The following TAFA1 variants were observed in gnomAD, a reference collection of about 807,000 sequenced individuals.
The protein encoded by TAFA1 is chemokine-like protein TAFA-1.
TAFA1 carries 4 observed loss-of-function variants against 18.5 expected under a neutral mutation model. That is an observed-to-expected ratio of 0.22 (90% CI 0.11 to 0.49). The LOEUF (loss-of-function observed/expected upper bound fraction) is 0.49, where lower values mean the gene tolerates loss of function less well. Among genes scored for constraint, TAFA1 ranks in the 20% least tolerant of loss-of-function variants. TAFA1 has a pLI of 0.98. For synonymous variants in TAFA1, 56 were observed against 55.2 expected, an observed-to-expected ratio of 1.01 and a Z score of -0.06; for missense variants, 147 against 169.0, an observed-to-expected ratio of 0.87 and a Z score of 0.72.
chr3:68,065,729 T>C (rs2064666595), intron 2 of TAFA1, among the ~76,000 whole-genome samples: 2 of 28,522 alleles, frequency 7.0e-5, no homozygotes, highest in Non-Finnish European at 6.7e-5. Context: ...TTTGTGTGTA[T>C]GTGTGTGTGT....
chr3:68,496,982 G>A (rs1398106943), intron 3 of TAFA1, among the ~76,000 whole-genome samples: 2 of 152,098 alleles, frequency 1.3e-5, no homozygotes, highest in African/African-American at 4.8e-5. Flanking sequence ...TTTTAGTAGA[G>A]AGAGAGAGAC....
In TAFA1 at chr3:68,544,514, T is replaced by G. The variant is rs2073425669; in HGVS notation, c.*11T>G. The G allele has an allele frequency of 6.2e-7, 1 of 1,612,306 alleles. No individual in the cohort carries two copies. Among genetic ancestry groups the G allele is most frequent in the African/African-American group, 1.3e-5 (1 of 74,870 alleles). The stretch of plus-strand genomic sequence containing the variant: ...CACCCAAGAACCTAACAGAAGCATT[T>G]GTGGTAGTAAAGGAAAACCAACCCT... On this transcript the variant is annotated 3_prime_UTR_variant, in exon 5 of 5. Coordinates refer to ENST00000478136, the MANE Select transcript of TAFA1 (RefSeq NM_213609.4).
chr3:68,036,794 T>C (rs927072284), intron 2 of TAFA1, among the ~76,000 whole-genome samples: 1 of 152,226 alleles, frequency 6.6e-6, no homozygotes, highest in Admixed American at 6.5e-5. Flanking sequence ...TGAAGGCTAC[T>C]CTGTGGATCT....
upstream of TAFA1, among the ~76,000 whole-genome samples, chr3:68,001,694 G>C (rs1371665246): frequency 1.3e-5 from 2 of 151,828 alleles, no homozygotes; most frequent in Non-Finnish European, 2.9e-5. Flanking sequence ...TCATGGCCTA[G>C]TGCAGTGCAT....
chr3:68,043,962 C>A (rs2106685318), intron 2 of TAFA1, among the ~76,000 whole-genome samples: 1 of 152,122 alleles, frequency 6.6e-6, no homozygotes, highest in South Asian at 2.1e-4. Context: ...TGTTTTCTGA[C>A]CTAGAACCCC....
chr3:68,498,472 A>G (rs2072591762), intron 3 of TAFA1, among the ~76,000 whole-genome samples: 1 of 152,142 alleles, frequency 6.6e-6, no homozygotes, highest in Non-Finnish European at 1.5e-5. Flanking sequence ...CCAAATTACA[A>G]AAGCATATTG....
chr3:68,245,370 G>A (rs1416358988), intron 2 of TAFA1, among the ~76,000 whole-genome samples: 1 of 152,108 alleles, frequency 6.6e-6, no homozygotes, highest in Non-Finnish European at 1.5e-5. Flanking sequence ...TTTATTTATT[G>A]AGTCTCTAAT....
Position 68,069,890 on chromosome 3 carries a change from A to G in TAFA1, c.118+63146A>G, listed in dbSNP as rs569380779. 2.5e-3 allele frequency among the ~76,000 whole-genome samples: 378 copies of G among 152,336 alleles called. 1 individual carries two copies. Among genetic ancestry groups the G allele is most frequent in the African/African-American group, 8.5e-3 (355 of 41,590 alleles). On this transcript the variant is annotated intron_variant, in intron 2 of 4. Transcript: ENST00000478136. ...CACATCGAGGTCACACTGATGCAAG[A>G]GGTGGGTTCCCATGGTCTTGGGCAG... is the stretch of plus-strand genomic sequence containing the variant.
chr3:68,083,402 A>G (rs978436664), intron 2 of TAFA1, among the ~76,000 whole-genome samples: 2 of 152,250 alleles, frequency 1.3e-5, no homozygotes, highest in African/African-American at 4.8e-5. Flanking sequence ...AAAATAATAC[A>G]TTAAAAGGAC....
At position 68,517,852 on chromosome 3, in the gene TAFA1, C is replaced by A. The variant is rs114335913; in HGVS notation, c.260-20904C>A. Reference sequence around the variant, plus strand: ...TTGTATAAGGCCTAGTTAATTAAGACTGTGGACTGTGATCAAATTTAAGCA... The same window carrying A: ...TTGTATAAGGCCTAGTTAATTAAGAATGTGGACTGTGATCAAATTTAAGCA... On this transcript the variant is annotated intron_variant, in intron 3 of 4. Coordinates refer to ENST00000478136, the MANE Select transcript of TAFA1 (RefSeq NM_213609.4). Among the ~76,000 whole-genome samples the A allele has an allele frequency of 5.6e-3, 858 of 152,180 alleles. 5 individuals are homozygous for A. Among genetic ancestry groups the A allele is most frequent in the African/African-American group, 0.02 (836 of 41,524 alleles).
chr3:68,054,570 C>G (rs144415148), intron 2 of TAFA1, among the ~76,000 whole-genome samples: 156 of 152,332 alleles, frequency 1.0e-3, no homozygotes, highest in African/African-American at 3.5e-3. Context: ...TGGACCAAAT[C>G]TGATGTGCTG....
rs2070293518 is a variant in TAFA1 at position 68,392,937 on chromosome 3, A to G, written c.119-24343A>G. Among the ~76,000 whole-genome samples, 3 of 152,178 alleles carry G rather than the reference A, an allele frequency of 2.0e-5. No homozygotes were observed. The South Asian group carries it at 6.2e-4, about 32-fold the overall frequency. On this transcript the variant is annotated intron_variant, in intron 2 of 4. Coordinates refer to ENST00000478136, the MANE Select transcript of TAFA1 (RefSeq NM_213609.4). ...CTAAAATCAACACCCTAACGTCACA[A>G]TTAAAAGAACTAGAGAAGCAAGAGC...
intron 2 of TAFA1, among the ~76,000 whole-genome samples, chr3:68,273,576 A>G (rs977109092): frequency 6.6e-6 from 1 of 152,190 alleles, no homozygotes; most frequent in Non-Finnish European, 1.5e-5. Flanking sequence ...AACAACCTGA[A>G]GGCAGATGGA....
intron 2 of TAFA1, among the ~76,000 whole-genome samples, chr3:68,246,188 C>T (rs943717625): frequency 2.0e-5 from 3 of 152,090 alleles, no homozygotes; most frequent in Admixed American, 2.0e-4. Context: ...AACAAACCTC[C>T]CAGGGGTCCC....
chr3:68,103,894 C>T (rs9843452), intron 2 of TAFA1, among the ~76,000 whole-genome samples: 53,545 of 151,910 alleles, frequency 0.35, 9,832 homozygotes, highest in East Asian at 0.48. Context: ...ATGATTTTCT[C>T]GAATCTCAGA....
intron 2 of TAFA1, among the ~76,000 whole-genome samples, chr3:68,072,314 T>C (rs2064765314): frequency 6.6e-6 from 1 of 152,126 alleles, no homozygotes; most frequent in Admixed American, 6.5e-5. Flanking sequence ...GAGTGTGAAG[T>C]ACGGGAAGTG....
intron 2 of TAFA1, among the ~76,000 whole-genome samples, chr3:68,244,886 A>G (rs1368675239): frequency 6.6e-6 from 1 of 152,222 alleles, no homozygotes; most frequent in Non-Finnish European, 1.5e-5. Flanking sequence ...TTTTGGAAAA[A>G]TTAAGTGATT....
At chr3:68,098,257 G>T (rs2065110250) in intron 2 of TAFA1, among the ~76,000 whole-genome samples, 1 of 151,210 alleles carries the variant, frequency 6.6e-6, no homozygotes, top group Non-Finnish European at 1.5e-5. Context: ...AGGTGTGACT[G>T]TTTTTTTTTA....
intron 3 of TAFA1, among the ~76,000 whole-genome samples, chr3:68,536,073 A>G (rs2073274887): frequency 6.6e-6 from 1 of 152,208 alleles, no homozygotes; most frequent in Non-Finnish European, 1.5e-5. Context: ...CCTGGGCCTA[A>G]TAATTTGAAA....
Sources: allele counts gnomAD v4.1 joint callset (sites outside exome capture counted in the v4.1 genomes callset), GRCh38; gene constraint gnomAD v4.1.1; transcripts MANE v1.5; gene names NCBI Gene and HGNC (gene_info 2026-07-23, HGNC 2026-07-21).